The following TMEM132D variants were observed in gnomAD, a reference collection of about 807,000 sequenced individuals.
TMEM132D encodes transmembrane protein 132D.
TMEM132D carries 21 observed loss-of-function variants against 62.3 expected under a neutral mutation model. The ratio of observed to expected loss-of-function variants is 0.34; its 90% CI spans 0.24 to 0.49. The LOEUF is 0.49. Among genes scored for constraint, TMEM132D ranks in the 20% least tolerant of loss-of-function variants. The pLI is 0.99. For missense variants in TMEM132D, 1,346 were observed against 1,402.8 expected (o/e 0.96, Z 0.65); for synonymous variants, 621 against 575.6 (o/e 1.08, Z -1.13).
chr12:129,689,179 C>T (rs117743629), intron 2 of TMEM132D, among the ~76,000 whole-genome samples: 3,330 of 152,100 alleles, frequency 0.022, 172 homozygotes, highest in South Asian at 0.12. Context: ...TTGGGGGTTG[C>T]CTGACTTCTC....
At chr12:129,270,031 C>T (rs756802264) in intron 4 of TMEM132D, among the ~76,000 whole-genome samples, 4 of 152,110 alleles carry the variant, frequency 2.6e-5, no homozygotes, top group Non-Finnish European at 5.9e-5. Flanking sequence ...CGGGAAAAGC[C>T]GCAGGCCGAG....
chr12:129,327,534 C>T (rs570045059), intron 4 of TMEM132D, among the ~76,000 whole-genome samples: 19 of 152,318 alleles, frequency 1.2e-4, no homozygotes, highest in African/African-American at 3.6e-4. Flanking sequence ...GATTATAGAA[C>T]GTTTATATCA....
At chr12:129,276,028 C>T (rs1593320046) in intron 4 of TMEM132D, among the ~76,000 whole-genome samples, 1 of 129,188 alleles carries the variant, frequency 7.7e-6, no homozygotes, top group Admixed American at 8.2e-5. Flanking sequence ...CACGTGGATG[C>T]ACAGGTTTGT....
At chr12:129,718,685 C>T (rs762324721) in intron 1 of TMEM132D, among the ~76,000 whole-genome samples, 2 of 152,162 alleles carry the variant, frequency 1.3e-5, no homozygotes, top group Non-Finnish European at 2.9e-5. Flanking sequence ...TTATTATCCT[C>T]ATTTTATAGG....
chr12:129,160,754 T>A (rs1463297370), intron 5 of TMEM132D, among the ~76,000 whole-genome samples: 4 of 152,204 alleles, frequency 2.6e-5, no homozygotes, highest in Non-Finnish European at 5.9e-5. Flanking sequence ...GGAAAGTTCT[T>A]AGAGGTTACT....
At chr12:129,533,777 T>G (rs182350972) in intron 2 of TMEM132D, among the ~76,000 whole-genome samples, 5 of 151,796 alleles carry the variant, frequency 3.3e-5, no homozygotes, top group Admixed American at 2.0e-4. Flanking sequence ...TCCTGGAATT[T>G]TATACAGGAC....
intron 1 of TMEM132D, among the ~76,000 whole-genome samples, chr12:129,821,203 A>C (rs969451842): frequency 3.3e-5 from 5 of 152,330 alleles, no homozygotes; most frequent in African/African-American, 9.6e-5. Flanking sequence ...CTCTCACCGC[A>C]GGACTTAGAT....
intron 1 of TMEM132D, among the ~76,000 whole-genome samples, chr12:129,732,508 A>G (rs1391805742): frequency 6.6e-6 from 1 of 152,192 alleles, no homozygotes; most frequent in Non-Finnish European, 1.5e-5. Flanking sequence ...TCACAAGAGT[A>G]AAGTTAAATG....
rs76301978 is a variant in TMEM132D, at chr12:129,652,507, T to A, written c.968+47303A>T. Reference sequence around the variant, plus strand: ...TCTTGGATTTTCTGAGCGGGCCTAATGACAAGGGTGTTTTAAATGTGGAAG... The same window carrying A: ...TCTTGGATTTTCTGAGCGGGCCTAAAGACAAGGGTGTTTTAAATGTGGAAG... On this transcript the variant is annotated intron_variant, in intron 2 of 8. Coordinates refer to ENST00000422113, the MANE Select transcript of TMEM132D (RefSeq NM_133448.3). Among the ~76,000 whole-genome samples the A allele has an allele frequency of 9.7e-3, 1,482 of 152,268 alleles. 49 individuals are homozygous for A. The South Asian group carries it at 0.11, about 12-fold the overall frequency.
intron 2 of TMEM132D, among the ~76,000 whole-genome samples, chr12:129,566,903 C>T (rs1020399764): frequency 1.3e-5 from 2 of 152,206 alleles, no homozygotes; most frequent in African/African-American, 2.4e-5. Flanking sequence ...CAACAAATTG[C>T]CAGTCAGAAA....
intron 1 of TMEM132D, among the ~76,000 whole-genome samples, chr12:129,779,000 T>C (rs1871034036): frequency 6.6e-6 from 1 of 152,256 alleles, no homozygotes; most frequent in African/African-American, 2.4e-5. Flanking sequence ...ACGTAAATAC[T>C]ATCTAGTGCT....
chr12:129,621,648 C>T (rs142295699), intron 2 of TMEM132D, among the ~76,000 whole-genome samples: 10 of 152,306 alleles, frequency 6.6e-5, no homozygotes, highest in African/African-American at 2.4e-4. Context: ...TGTCCCAGAG[C>T]TTTAAAAGAG....
rs1317752219 is a variant in TMEM132D, at chr12:129,385,138, A to G, written c.1116-47321T>C. Reference sequence around the variant, plus strand: ...AGACGTCGTTTTGCTCTTGTCACCCAGGCTGGAGTGCAGTAGTAGTGCAGT... The same window carrying G: ...AGACGTCGTTTTGCTCTTGTCACCCGGGCTGGAGTGCAGTAGTAGTGCAGT... On this transcript the variant is annotated intron_variant, in intron 3 of 8. Transcript: ENST00000422113. Among the ~76,000 whole-genome samples the G allele has an allele frequency of 5.1e-5, 6 of 117,906 alleles. No homozygotes were observed. In the East Asian group the frequency reaches 1.6e-3, roughly 31 times the overall value. The allele number at this position is 117,906 out of a possible 152,430, so 77.4% of individuals were successfully genotyped here. A position where few individuals can be genotyped will look rare whatever the true frequency, so the allele number is the denominator to read the frequency against.
At chr12:129,530,621 T>C (rs1236137526) in intron 3 of TMEM132D, among the ~76,000 whole-genome samples, 1 of 152,224 alleles carries the variant, frequency 6.6e-6, no homozygotes, top group Non-Finnish European at 1.5e-5. Context: ...AATACAATCA[T>C]ATGCATTGTA....
In TMEM132D at chr12:129,088,170, C is replaced by CG. The variant is rs748624169; in HGVS notation, c.1444-3469dup. On this transcript the variant is annotated intron_variant, in intron 5 of 8. Coordinates refer to ENST00000422113, the MANE Select transcript of TMEM132D (RefSeq NM_133448.3). ...TCCCTGACCGGGTGTCCTCCCTGAC[C>CG]GGGTGTCCTCCCTGACCGGGGTGTC... is the stretch of plus-strand genomic sequence containing the variant. 4.1e-3 allele frequency among the ~76,000 whole-genome samples: 37 copies of CG among 8,930 alleles called. 10 individuals carry two copies. The highest frequency in any genetic ancestry group is 5.2e-3 in the Non-Finnish European group (23 of 4,416). 5.9% of individuals were successfully genotyped at this position (8,930 alleles called of 152,430 possible).
intron 1 of TMEM132D, among the ~76,000 whole-genome samples, chr12:129,837,446 T>G (rs1299096928): frequency 1.3e-5 from 2 of 152,170 alleles, no homozygotes; most frequent in Non-Finnish European, 2.9e-5. Context: ...ACAATTGCTT[T>G]TTAAAACTTT....
chr12:129,865,848 T>G (rs1334767039), intron 1 of TMEM132D, among the ~76,000 whole-genome samples: 1 of 152,190 alleles, frequency 6.6e-6, no homozygotes, highest in Non-Finnish European at 1.5e-5. Context: ...GTGAAGGCAG[T>G]GGTCACGGGA....
chr12:129,867,286 C>T lies in TMEM132D; in HGVS notation c.79+35975G>A, dbSNP rs559597950. On this transcript the variant is annotated intron_variant, in intron 1 of 8. Transcript: ENST00000422113. The surrounding 1 kb of genome is among the most constrained non-coding windows in gnomAD (Gnocchi z 4.5). ...AAAAAAGAAAAAGAAAGAAAGAAAT[C>T]CTGCCATTTGCAACAATATATACAT... 9.2e-5 allele frequency among the ~76,000 whole-genome samples: 14 copies of T among 151,932 alleles called. No homozygotes were observed. The highest frequency in any genetic ancestry group is 3.4e-4 in the African/African-American group (14 of 41,450).
intron 1 of TMEM132D, among the ~76,000 whole-genome samples, chr12:129,811,539 A>T (rs954913382): frequency 6.6e-6 from 1 of 151,738 alleles, no homozygotes; most frequent in South Asian, 2.1e-4. Context: ...GGACTCCAAG[A>T]AGGCTCCTGA....
Sources: allele counts gnomAD v4.1 joint callset (sites outside exome capture counted in the v4.1 genomes callset), GRCh38; gene constraint gnomAD v4.1.1; non-coding constraint Gnocchi (gnomAD v3.1); transcripts MANE v1.5; gene names NCBI Gene and HGNC (gene_info 2026-07-23, HGNC 2026-07-21).